Variants in KCNK9 observed in about 807,000 individuals in gnomAD.
KCNK9 encodes the protein potassium channel subfamily K member 9.
A neutral mutation model predicts 10.8 loss-of-function variants in KCNK9; 1 was observed. That is an observed-to-expected ratio of 0.09 (90% CI 0.03 to 0.44). The LOEUF (loss-of-function observed/expected upper bound fraction) is 0.44, where lower values mean the gene tolerates loss of function less well. Ranked by LOEUF, KCNK9 falls within the 20% of genes least tolerant of loss-of-function variation. The probability of loss-of-function intolerance (pLI) is 0.97; values close to 1 mark genes in which losing one functional copy is unlikely to be tolerated. For synonymous variants in KCNK9, 231 were observed against 222.7 expected, an observed-to-expected ratio of 1.04 and a Z score of -0.33; for missense variants, 303 against 515.0, an observed-to-expected ratio of 0.59 and a Z score of 3.98.
chr8:139,605,410 T>C (rs1375907176), intron 2 of KCNK9, among the ~76,000 whole-genome samples: 1 of 152,186 alleles, frequency 6.6e-6, no homozygotes, highest in Non-Finnish European at 1.5e-5. Flanking sequence ...AAGGATAGTT[T>C]TGTATTTTAA....
downstream of KCNK9, among the ~76,000 whole-genome samples, chr8:139,609,157 C>T (rs1466682176): frequency 7.1e-6 from 1 of 140,472 alleles, no homozygotes; most frequent in Non-Finnish European, 1.5e-5. Context: ...TGGAAATATG[C>T]AGTCAGGACA....
At chr8:139,614,461 C>T (rs1255467555), downstream of KCNK9, among the ~76,000 whole-genome samples, 1 of 152,188 alleles carries the variant, frequency 6.6e-6, no homozygotes, top group East Asian at 1.9e-4. Context: ...GCAGGCATTC[C>T]CCTCCCAATC....
chr8:139,664,640 C>T (rs1056549114), intron 1 of KCNK9, among the ~76,000 whole-genome samples: 1 of 152,208 alleles, frequency 6.6e-6, no homozygotes, highest in Non-Finnish European at 1.5e-5. Context: ...GCACAGACCC[C>T]GCCCTCCACT....
downstream of KCNK9, among the ~76,000 whole-genome samples, chr8:139,614,390 GGAT>G (rs1301744302): frequency 1.3e-5 from 2 of 152,348 alleles, no homozygotes; most frequent in East Asian, 3.9e-4. Flanking sequence ...TCTCCTGAAA[GGAT>G]GATGGACCCC....
In KCNK9 at chr8:139,702,405, G is replaced by A. The variant is rs1247005220; in HGVS notation, c.283+305C>T. On this transcript the variant is annotated intron_variant, in intron 1 of 1. Transcript: ENST00000520439. This position sits in a 1 kb window ranked among gnomAD's most constrained non-coding sequence, Gnocchi z 7.5. ...GGTGTCTGCTATGGGATTATTCTTA[G>A]CGCTCCACTCTCTTCGCAAAAGTGG... Among the ~76,000 whole-genome samples the A allele has an allele frequency of 6.6e-6, 1 of 152,086 alleles. No homozygotes were observed. The highest frequency in any genetic ancestry group is 1.5e-5 in the Non-Finnish European group (1 of 68,008).
At chr8:139,643,552 G>C (rs1401643523) in intron 1 of KCNK9, among the ~76,000 whole-genome samples, 1 of 152,194 alleles carries the variant, frequency 6.6e-6, no homozygotes, top group Non-Finnish European at 1.5e-5. Context: ...CCAAGGGGCG[G>C]GCCTAGGGCT....
chr8:139,692,823 G>A (rs1345366491), intron 1 of KCNK9, among the ~76,000 whole-genome samples: 6 of 152,148 alleles, frequency 3.9e-5, no homozygotes, highest in Non-Finnish European at 7.3e-5. Flanking sequence ...GAGTGGCCTG[G>A]CACTGCCTGT....
intron 1 of KCNK9, among the ~76,000 whole-genome samples, chr8:139,634,852 G>T (rs888343): frequency 0.23 from 34,698 of 152,174 alleles, 4,837 homozygotes; most frequent in Middle Eastern, 0.37. Context: ...GAGCCTCCGT[G>T]AGGGGACAAG....
chr8:139,640,768 T>C (rs1815482154), intron 1 of KCNK9, among the ~76,000 whole-genome samples: 1 of 152,220 alleles, frequency 6.6e-6, no homozygotes, highest in African/African-American at 2.4e-5. Flanking sequence ...TCTACCGCCC[T>C]CTGGCTGAAA....
chr8:139,645,846 A>G (rs1449727759), intron 1 of KCNK9, among the ~76,000 whole-genome samples: 1 of 152,168 alleles, frequency 6.6e-6, no homozygotes, highest in Non-Finnish European at 1.5e-5. Context: ...CCCAGAGGGC[A>G]GCAAGAGGGA....
chr8:139,686,576 G>A (rs1816794186), intron 1 of KCNK9, among the ~76,000 whole-genome samples: 1 of 152,172 alleles, frequency 6.6e-6, no homozygotes, highest in African/African-American at 2.4e-5. Flanking sequence ...CAACAACCTT[G>A]AGGTCGATTA....
Position 139,667,594 on chromosome 8 carries a change from A to C in KCNK9, c.283+35116T>G, listed in dbSNP as rs1482364837. 2.0e-5 allele frequency among the ~76,000 whole-genome samples: 3 copies of C among 152,068 alleles called. No individual in the cohort carries two copies. The East Asian group carries it at 5.8e-4, about 29-fold the overall frequency. On this transcript the variant is annotated intron_variant, in intron 1 of 1. Transcript: ENST00000520439. Reference sequence around the variant, plus strand: ...GCCTGTAATCCCAGCTACTCGGGAGACTGAGGCAGGAGAATCACCTGATCC... The same window carrying C: ...GCCTGTAATCCCAGCTACTCGGGAGCCTGAGGCAGGAGAATCACCTGATCC...
intron 2 of KCNK9, among the ~76,000 whole-genome samples, chr8:139,607,472 C>T (rs1814258801): frequency 1.3e-5 from 2 of 152,186 alleles, no homozygotes; most frequent in South Asian, 4.1e-4. Flanking sequence ...ACTGTTGCAG[C>T]CCCTCATGCC....
chr8:139,631,620 C>T (rs1410624922), intron 1 of KCNK9, among the ~76,000 whole-genome samples: 1 of 152,128 alleles, frequency 6.6e-6, no homozygotes, highest in Non-Finnish European at 1.5e-5. Flanking sequence ...ACTCTTTCTT[C>T]CCACCACTAA....
chr8:139,601,254 C>CT (rs1817360896), exon 3 of KCNK9: 1 of 152,224 alleles, frequency 6.6e-6, no homozygotes, highest in African/African-American at 2.4e-5. Flanking sequence ...AGTGACAGAC[C>CT]TTCTAGCTCT....
At chr8:139,636,246 A>G (rs1158562341) in intron 1 of KCNK9, among the ~76,000 whole-genome samples, 1 of 152,184 alleles carries the variant, frequency 6.6e-6, no homozygotes, top group Admixed American at 6.5e-5. Flanking sequence ...AGGAATGCTC[A>G]GAGAGGCTAA....
intron 1 of KCNK9, among the ~76,000 whole-genome samples, chr8:139,649,091 C>A (rs914184018): frequency 6.6e-6 from 1 of 152,198 alleles, no homozygotes; most frequent in Non-Finnish European, 1.5e-5. Flanking sequence ...CCATCCCCGA[C>A]GCCGTGGCCT....
intron 1 of KCNK9, among the ~76,000 whole-genome samples, chr8:139,664,055 C>A (rs185250751): frequency 6.6e-6 from 1 of 152,134 alleles, no homozygotes; most frequent in Non-Finnish European, 1.5e-5. Flanking sequence ...GAGCAGGGAC[C>A]GATCAAGCCG....
intron 1 of KCNK9, among the ~76,000 whole-genome samples, chr8:139,696,286 G>C (rs1817049939): frequency 6.6e-6 from 1 of 152,194 alleles, no homozygotes; most frequent in Non-Finnish European, 1.5e-5. Flanking sequence ...CTCTTGTTAA[G>C]AGTGCTGGTT....
Sources: gnomAD v4.1 joint callset for allele counts (sites outside exome capture counted in the v4.1 genomes callset) on GRCh38, gnomAD v4.1.1 for gene constraint, Gnocchi (gnomAD v3.1) non-coding constraint, MANE v1.5 for transcripts, NCBI Gene and HGNC (gene_info 2026-07-23, HGNC 2026-07-21) for gene names.